CNOT10: variants seen among roughly 807,000 people sequenced by gnomAD.
CNOT10 encodes the protein CCR4-NOT transcription complex subunit 10.
Under a neutral mutation model 94.6 loss-of-function variants are expected in CNOT10, and 30 were observed. The observed-to-expected ratio is 0.32, with a 90% CI of 0.24 to 0.43. CNOT10 has a LOEUF of 0.43. Ranked by LOEUF, CNOT10 falls within the 20% of genes least tolerant of loss-of-function variation. The probability of loss-of-function intolerance (pLI) is 1.00; values close to 1 mark genes in which losing one functional copy is unlikely to be tolerated. For synonymous variants in CNOT10, 289 were observed against 301.6 expected (o/e 0.96, Z 0.43); for missense variants, 759 against 877.2 (o/e 0.87, Z 1.70).
chr3:32,693,024 A>G (rs976784359), intron 1 of CNOT10, among the ~76,000 whole-genome samples: 1 of 152,180 alleles, frequency 6.6e-6, no homozygotes, highest in African/African-American at 2.4e-5. Context: ...AGCCTGGGCT[A>G]CAAAGTGAGA....
chr3:32,693,247 C>T (rs775044119), intron 1 of CNOT10, among the ~76,000 whole-genome samples: 1 of 151,510 alleles, frequency 6.6e-6, no homozygotes, highest in East Asian at 1.9e-4. Context: ...GGCAGGCTTT[C>T]ACTCTGTTGC....
At chr3:32,752,974 T>C (rs1700028616) in intron 13 of CNOT10, 1 of 461,226 alleles carries the variant, frequency 2.2e-6, no homozygotes, top group South Asian at 1.8e-5. Flanking sequence ...TTGGATACTC[T>C]AATCGACGAG....
intron 7 of CNOT10, among the ~76,000 whole-genome samples, chr3:32,718,649 A>G (rs1385806417): frequency 6.6e-6 from 1 of 151,944 alleles, no homozygotes; most frequent in Non-Finnish European, 1.5e-5. Context: ...TAGAGGAAAG[A>G]CAATTGAAAA....
chr3:32,746,160 T>G (rs1422389244), intron 13 of CNOT10, among the ~76,000 whole-genome samples: 1 of 152,146 alleles, frequency 6.6e-6, no homozygotes, highest in Non-Finnish European at 1.5e-5. Flanking sequence ...TTGCTAGAAA[T>G]CAGAACAGTG....
At chr3:32,687,452 G>GTTTTTTCTTTTT (rs1696662714) in intron 1 of CNOT10, among the ~76,000 whole-genome samples, 1 of 60,400 alleles carries the variant, frequency 1.7e-5, no homozygotes, top group African/African-American at 5.7e-5. Flanking sequence ...TTTTTTTTTT[G>GTTTTTTCTTTTT]TTTTTTTTTT....
At chr3:32,760,179 C>CA (rs376621393) in intron 14 of CNOT10, among the ~76,000 whole-genome samples, 3,822 of 133,210 alleles carry the variant, frequency 0.029, 68 homozygotes, top group Middle Eastern at 0.088. Flanking sequence ...GACTCTGTCT[C>CA]AAAAAAAAAA....
chr3:32,709,291 A>G (rs1413986868), intron 4 of CNOT10, among the ~76,000 whole-genome samples: 1 of 152,240 alleles, frequency 6.6e-6, no homozygotes, highest in African/African-American at 2.4e-5. Context: ...TAGGAGTAGC[A>G]AGAAAAGTAA....
In CNOT10 at chr3:32,729,202, T is replaced by C. The variant is rs147126406; in HGVS notation, c.1215+1332T>C. Among the ~76,000 whole-genome samples, 4 of 152,310 alleles carry C rather than the reference T, an allele frequency of 2.6e-5. No homozygotes were observed. The East Asian group carries it at 7.7e-4, about 29-fold the overall frequency. ...CAGTAAATGATACAGAGTTTATGGA[T>C]TACCAGGCTGTTTCTCTCTGACACA... On this transcript the variant is annotated intron_variant, in intron 10 of 18. Transcript: ENST00000328834.
intron 1 of CNOT10, among the ~76,000 whole-genome samples, chr3:32,692,277 G>A (rs563084934): frequency 6.6e-6 from 1 of 152,100 alleles, no homozygotes; most frequent in Non-Finnish European, 1.5e-5. Context: ...AAATTTATTT[G>A]TAGGCACAGG....
chr3:32,722,259 C>T (rs1237120771), intron 8 of CNOT10, among the ~76,000 whole-genome samples: 1 of 152,076 alleles, frequency 6.6e-6, no homozygotes, highest in Non-Finnish European at 1.5e-5. Context: ...CCCTATTTAC[C>T]CTTTCAGTTC....
intron 4 of CNOT10, among the ~76,000 whole-genome samples, chr3:32,710,276 CT>C (rs990169638): frequency 1.4e-3 from 188 of 138,360 alleles, no homozygotes; most frequent in East Asian, 2.3e-3. Flanking sequence ...TCTTTTATGG[CT>C]TTTTTTTTTT....
At position 32,726,490 on chromosome 3, in the gene CNOT10, C is replaced by T. The variant is rs542162470; in HGVS notation, c.1012+891C>T. Reference sequence around the variant, plus strand: ...TGGGCAGATCACGAGGTCAGGAGATCGAGACCATCCTGGCTAGCACAGTGA... The same window carrying T: ...TGGGCAGATCACGAGGTCAGGAGATTGAGACCATCCTGGCTAGCACAGTGA... On this transcript the variant is annotated intron_variant, in intron 9 of 18. Transcript: ENST00000328834. Among the ~76,000 whole-genome samples the T allele has an allele frequency of 4.6e-5, 7 of 152,008 alleles. No individual in the cohort carries two copies. The South Asian group carries it at 8.3e-4, about 18-fold the overall frequency.
At chr3:32,686,867 C>A (rs138906341) in intron 1 of CNOT10, among the ~76,000 whole-genome samples, 216 of 152,310 alleles carry the variant, frequency 1.4e-3, no homozygotes, top group African/African-American at 4.7e-3. Context: ...TCTACTTGTT[C>A]ATTTATTCAT....
Position 32,759,265 on chromosome 3 carries a change from T to C in CNOT10, c.1596-193T>C, listed in dbSNP as rs192135488. ...TTGGATGAAAGCTAAAGATGACTTA[T>C]GTAAATAGCCAAACTGTGTTTCAGA... On this transcript the variant is annotated intron_variant, in intron 13 of 18. Transcript: ENST00000328834. Among the ~76,000 whole-genome samples, 20 of 152,302 alleles carry C rather than the reference T, an allele frequency of 1.3e-4. No homozygotes were observed. In the East Asian group the frequency reaches 2.7e-3, roughly 21 times the overall value.
chr3:32,759,476 C>T lies in CNOT10; in HGVS notation c.1614C>T (p.Cys538=). Residue 538 remains cysteine, a synonymous_variant, in exon 14 of 19, where the codon TGC becomes TGT. Coordinates refer to ENST00000328834, the MANE Select transcript of CNOT10 (RefSeq NM_015442.3). ...GTTATAGGTGCTCCATACTTGCTTG[C>T]AGTGCCTACGTGGCTCTGGCTTTGG... The part of the protein sequence containing the change: ...LENLKCSILA[C]SAYVALALGD... 6.2e-7 allele frequency: 1 copy of T among 1,613,500 alleles called. No individual in the cohort carries two copies. Among genetic ancestry groups the T allele is most frequent in the East Asian group, 2.2e-5 (1 of 44,866 alleles).
At chr3:32,770,784 G>T (rs1280911564) in intron 18 of CNOT10, among the ~76,000 whole-genome samples, 1 of 151,126 alleles carries the variant, frequency 6.6e-6, no homozygotes, top group Non-Finnish European at 1.5e-5. Flanking sequence ...TCAGCTCACT[G>T]CAACCTCCGC....
At chr3:32,733,291 T>G (rs1699037997) in intron 10 of CNOT10, 132 bp from the exon 11 acceptor site, 3 of 625,256 alleles carry the variant, frequency 4.8e-6, no homozygotes, top group Non-Finnish European at 7.8e-6. Context: ...GTTTCCATTA[T>G]CACCAAAAAA....
chr3:32,700,340 A>C (rs1435351189), intron 1 of CNOT10, among the ~76,000 whole-genome samples: 2 of 152,222 alleles, frequency 1.3e-5, no homozygotes, highest in African/African-American at 2.4e-5. Context: ...GCTAAAAACT[A>C]TTTAATACAG....
chr3:32,722,463 A>G (rs990302011), intron 8 of CNOT10, among the ~76,000 whole-genome samples: 1 of 152,226 alleles, frequency 6.6e-6, no homozygotes, highest in Admixed American at 6.5e-5. Context: ...ATATACTTTG[A>G]GAAAATTTTG....
Sources: allele counts gnomAD v4.1 joint callset (sites outside exome capture counted in the v4.1 genomes callset), GRCh38; gene constraint gnomAD v4.1.1; transcripts MANE v1.5; gene names NCBI Gene and HGNC (gene_info 2026-07-23, HGNC 2026-07-21).